COPS9: variants seen among roughly 807,000 people sequenced by gnomAD.
The protein encoded by COPS9 is COP9 signalosome complex subunit 9.
COPS9 carries 8 observed loss-of-function variants against 7.2 expected under a neutral mutation model. The ratio of observed to expected loss-of-function variants is 1.11; its 90% CI spans 0.65 to 2.00. The LOEUF is 2.00. Ranked by LOEUF, COPS9 falls within the 30% of genes most tolerant of loss-of-function variation. COPS9 has a pLI of 0.00. For synonymous variants in COPS9, 39 were observed against 28.7 expected (o/e 1.36, Z -1.14); for missense variants, 74 against 77.7 (o/e 0.95, Z 0.18).
chr2:240,135,160 C>A (rs1250241273), intron 1 of COPS9, among the ~76,000 whole-genome samples: 2 of 152,088 alleles, frequency 1.3e-5, no homozygotes, highest in African/African-American at 4.8e-5. Flanking sequence ...GCACTGCACG[C>A]TCAACCATGT....
chr2:240,129,931 G>A (rs115914450), downstream of COPS9: 6,480 of 1,613,944 alleles, frequency 4.0e-3, 37 homozygotes, highest in South Asian at 7.6e-3. Context: ...ACCACAGGCC[G>A]CTCTGCTGCC....
intron 2 of COPS9, 69 bp from the exon 3 acceptor site, chr2:240,131,157 G>T: frequency 6.7e-7 from 1 of 1,497,928 alleles, no homozygotes. Context: ...ACTTCAGAAT[G>T]AATTATATAG....
intron 2 of COPS9, among the ~76,000 whole-genome samples, chr2:240,131,420 C>A (rs538986103): frequency 6.6e-6 from 1 of 152,222 alleles, no homozygotes; most frequent in African/African-American, 2.4e-5. Flanking sequence ...TCTGCACCCA[C>A]GAGTGCACGG....
rs75773200 is a variant in COPS9, at chr2:240,132,514, G to A, written c.136+1419C>T. Among the ~76,000 whole-genome samples the A allele has an allele frequency of 0.039, 5,892 of 152,226 alleles. 177 individuals carry two copies. Among genetic ancestry groups the A allele is most frequent in the Admixed American group, 0.11 (1,606 of 15,290 alleles). On this transcript the variant is annotated intron_variant, in intron 2 of 2. Transcript: ENST00000607357. The surrounding 1 kb of genome is among the most constrained non-coding windows in gnomAD (Gnocchi z 4.1). Reference sequence around the variant, plus strand: ...GGCCGTGGCTCAAAGGCAGACACGCGCCCACAATGCTCAGGTTGCTGGGCG... The same window carrying A: ...GGCCGTGGCTCAAAGGCAGACACGCACCCACAATGCTCAGGTTGCTGGGCG...
At chr2:240,135,012 A>C in intron 1 of COPS9, among the ~76,000 whole-genome samples, 1 of 151,698 alleles carries the variant, frequency 6.6e-6, no homozygotes, top group Non-Finnish European at 1.5e-5. Context: ...AGGACTGTAA[A>C]ACAGGACTGA....
chr2:240,131,757 T>C (rs2106555877), intron 2 of COPS9, among the ~76,000 whole-genome samples: 1 of 152,276 alleles, frequency 6.6e-6, no homozygotes, highest in East Asian at 1.9e-4. Context: ...CTACAGGCAA[T>C]CATCACTTTC....
At chr2:240,134,644 G>A (rs1478788001) in intron 1 of COPS9, among the ~76,000 whole-genome samples, 1 of 152,140 alleles carries the variant, frequency 6.6e-6, no homozygotes, top group Non-Finnish European at 1.5e-5. Flanking sequence ...CTGCTGCCCT[G>A]GCCCCAGCAT....
At position 240,135,786 on chromosome 2, in the gene COPS9, G is replaced by T. The variant is rs148689762; in HGVS notation, c.63+436C>A. 2.6e-3 allele frequency: 437 copies of T among 171,138 alleles called. 3 individuals carry two copies. Among genetic ancestry groups the T allele is most frequent in the African/African-American group, 0.01 (424 of 42,274 alleles). 10.6% of individuals were successfully genotyped at this position (171,138 alleles called of 1,614,324 possible). On this transcript the variant is annotated intron_variant, in intron 1 of 2. Transcript: ENST00000607357. Reference sequence around the variant, plus strand: ...GAGGCCCAATCGGAGAATTATCCTCGCTTCCAAGGCACAGTAAAGCCCACT... The same window carrying T: ...GAGGCCCAATCGGAGAATTATCCTCTCTTCCAAGGCACAGTAAAGCCCACT...
At chr2:240,131,918 C>T (rs554987197) in intron 2 of COPS9, among the ~76,000 whole-genome samples, 2 of 152,324 alleles carry the variant, frequency 1.3e-5, no homozygotes, top group South Asian at 4.1e-4. Context: ...CAGCATCCAG[C>T]CTTCCTGGGG....
intron 1 of COPS9, chr2:240,136,003 G>A: frequency 1.4e-6 from 1 of 712,652 alleles, no homozygotes; most frequent in Non-Finnish European, 2.1e-6. Flanking sequence ...CTGGTCCCCC[G>A]GGCTAGGGCA....
chr2:240,126,837 T>A, downstream of COPS9: 1 of 1,614,232 alleles, frequency 6.2e-7, no homozygotes, highest in Non-Finnish European at 8.5e-7. Context: ...CAGCGGATGT[T>A]CTCTGCATCT....
intron 2 of COPS9, among the ~76,000 whole-genome samples, chr2:240,133,434 C>A (rs1229050166): frequency 1.3e-5 from 2 of 152,228 alleles, no homozygotes; most frequent in Non-Finnish European, 2.9e-5. Flanking sequence ...AAGAGGAAAA[C>A]ACATCCTGCG....
At chr2:240,130,290 G>A (rs894987506), downstream of COPS9, among the ~76,000 whole-genome samples, 1 of 152,176 alleles carries the variant, frequency 6.6e-6, no homozygotes, top group African/African-American at 2.4e-5. Context: ...GCGTCTCCTG[G>A]CCTGAGAAAC....
rs553022057 is a variant in COPS9, at chr2:240,134,310, C to T, written c.64-305G>A. On this transcript the variant is annotated intron_variant, in intron 1 of 2. Transcript: ENST00000607357. ...TCTGTGCCCCTCAAGGAGAGCTTTC[C>T]GATCCCTCGCCGGACATCGCCAGAG... 40 of 286,630 alleles carry T rather than the reference C, an allele frequency of 1.4e-4. No individual in the cohort carries two copies. The South Asian group carries it at 2.6e-3, about 19-fold the overall frequency. 17.8% of individuals were successfully genotyped at this position (286,630 alleles called of 1,614,324 possible).
In COPS9 at chr2:240,132,710, C is replaced by T. The variant is rs541092394; in HGVS notation, c.136+1223G>A. On this transcript the variant is annotated intron_variant, in intron 2 of 2. Transcript: ENST00000607357. This position sits in a 1 kb window ranked among gnomAD's most constrained non-coding sequence, Gnocchi z 4.1. ...TTGAAGGAGATCATCAAAATGCAAG[C>T]GTGTGGTGCCAGCATTAGCAACTGC... Among the ~76,000 whole-genome samples, 3 of 152,298 alleles carry T rather than the reference C, an allele frequency of 2.0e-5. No homozygotes were observed. The highest frequency in any genetic ancestry group is 2.1e-4 in the South Asian group (1 of 4,828).
Position 240,136,195 on chromosome 2 carries a change from C to A in COPS9, c.63+27G>T, listed in dbSNP as rs757421480. The A allele has an allele frequency of 3.3e-6, 5 of 1,508,124 alleles. No individual in the cohort carries two copies. In the South Asian group the frequency reaches 3.8e-5, roughly 11 times the overall value. The allele number at this position is 1,508,124 out of a possible 1,614,324, so 93.4% of individuals were successfully genotyped here. On this transcript the variant is annotated intron_variant, in intron 1 of 2. Coordinates refer to ENST00000607357, the MANE Select transcript of COPS9 (RefSeq NM_001163424.2). ...CTCCCCCTTCCCCGCTCCCCACGCT[C>A]GGAGACTCCCGCCGGGCCCGTGCCA...
chr2:240,128,745 C>G (rs2071891565), downstream of COPS9, among the ~76,000 whole-genome samples: 1 of 152,188 alleles, frequency 6.6e-6, no homozygotes, highest in Non-Finnish European at 1.5e-5. Flanking sequence ...AGTCCGATCA[C>G]CCAGGTCATC....
At position 240,132,029 on chromosome 2, in the gene COPS9, G is replaced by T. The variant is rs531046265; in HGVS notation, c.137-941C>A. On this transcript the variant is annotated intron_variant, in intron 2 of 2. Transcript: ENST00000607357. This position sits in a 1 kb window ranked among gnomAD's most constrained non-coding sequence, Gnocchi z 4.1. ...CGTCCTCACTGCCTCCCGACTGCTGGTTGTGGTTCGCCGCTAGGAGCACTT... is the reference window on the plus strand; with the variant it reads ...CGTCCTCACTGCCTCCCGACTGCTGTTTGTGGTTCGCCGCTAGGAGCACTT... 5.9e-5 allele frequency among the ~76,000 whole-genome samples: 9 copies of T among 152,182 alleles called. No homozygotes were observed. Among genetic ancestry groups the T allele is most frequent in the Non-Finnish European group, 1.0e-4 (7 of 68,038 alleles).
chr2:240,127,344 C>T (rs1271853976), downstream of COPS9, among the ~76,000 whole-genome samples: 2 of 151,882 alleles, frequency 1.3e-5, no homozygotes, highest in Non-Finnish European at 2.9e-5. Context: ...GGTCCAGTCC[C>T]AGGGCCCCTG....
Sources: allele counts gnomAD v4.1 joint callset (sites outside exome capture counted in the v4.1 genomes callset), GRCh38; gene constraint gnomAD v4.1.1; non-coding constraint Gnocchi (gnomAD v3.1); transcripts MANE v1.5; gene names NCBI Gene and HGNC (gene_info 2026-07-23, HGNC 2026-07-21).